Variants in CKAP5 observed in about 807,000 individuals in gnomAD.
The protein encoded by CKAP5 is cytoskeleton associated protein 5, also known as cytoskeleton-associated protein 5.
Under a neutral mutation model 232.8 loss-of-function variants are expected in CKAP5, and 27 were observed. That is an observed-to-expected ratio of 0.12 (90% CI 0.09 to 0.16). The LOEUF (loss-of-function observed/expected upper bound fraction) is 0.16, where lower values mean the gene tolerates loss of function less well. Among genes scored for constraint, CKAP5 ranks in the 10% least tolerant of loss-of-function variants. The pLI is 1.00. For missense variants in CKAP5, 1,838 were observed against 2,424.7 expected (o/e 0.76, Z 5.08); for synonymous variants, 785 against 841.1 (o/e 0.93, Z 1.16).
At chr11:46,808,772 C>T (rs1287845391) in intron 7 of CKAP5, among the ~76,000 whole-genome samples, 3 of 152,202 alleles carry the variant, frequency 2.0e-5, no homozygotes, top group Admixed American at 6.5e-5. Context: ...GCCCACCCAT[C>T]TCACAGCAGC....
At chr11:46,776,918 T>C (rs543539875) in intron 23 of CKAP5, among the ~76,000 whole-genome samples, 1 of 152,282 alleles carries the variant, frequency 6.6e-6, no homozygotes, top group South Asian at 2.1e-4. Flanking sequence ...CGGCTAAACA[T>C]TGTAACCTTC....
At chr11:46,759,131 G>T in intron 34 of CKAP5, 88 bp from the exon 35 acceptor site, 1 of 1,537,000 alleles carries the variant, frequency 6.5e-7, no homozygotes, top group South Asian at 1.2e-5. Flanking sequence ...CTAGGTCCAG[G>T]TCTTAGTTAA....
At chr11:46,748,832 T>G (rs1417824618) in intron 42 of CKAP5, among the ~76,000 whole-genome samples, 1 of 151,686 alleles carries the variant, frequency 6.6e-6, no homozygotes, top group Non-Finnish European at 1.5e-5. Flanking sequence ...ACTTTAGTTT[T>G]TTTGTTTGTT....
At chr11:46,799,717 G>A (rs1938982527) in intron 9 of CKAP5, among the ~76,000 whole-genome samples, 1 of 152,162 alleles carries the variant, frequency 6.6e-6, no homozygotes, top group African/African-American at 2.4e-5. Flanking sequence ...ATGAATTTTA[G>A]GCCGGGTGTG....
chr11:46,800,399 G>A (rs1396232460), intron 9 of CKAP5, among the ~76,000 whole-genome samples: 2 of 152,104 alleles, frequency 1.3e-5, no homozygotes, highest in Non-Finnish European at 2.9e-5. Context: ...AATATAAAAT[G>A]GACACATGAC....
chr11:46,835,416 G>C (rs893809462), intron 1 of CKAP5, among the ~76,000 whole-genome samples: 6 of 151,440 alleles, frequency 4.0e-5, no homozygotes, highest in Admixed American at 2.6e-4. Context: ...TAGGGTTAGA[G>C]CAGAGAAAAT....
intron 3 of CKAP5, among the ~76,000 whole-genome samples, chr11:46,816,787 T>C (rs1302880788): frequency 3.3e-3 from 2 of 610 alleles, no homozygotes; most frequent in Non-Finnish European, 0.023. Flanking sequence ...TTGCTTTCAA[T>C]TTTTTTTTTT....
chr11:46,763,297 C>T, intron 29 of CKAP5, 118 bp from the exon 30 acceptor site: 6 of 1,039,740 alleles, frequency 5.8e-6, no homozygotes, highest in Non-Finnish European at 8.4e-6. Flanking sequence ...GATTTTTAAG[C>T]CTTCAATTAA....
chr11:46,822,680 G>A (rs1271669126), intron 1 of CKAP5, among the ~76,000 whole-genome samples: 8 of 146,320 alleles, frequency 5.5e-5, no homozygotes, highest in Non-Finnish European at 1.2e-4. Flanking sequence ...GAACCCGAGA[G>A]GCGGAGCTTG....
chr11:46,752,193 T>TATATATATATATATACACACACAC (rs1408030107), intron 38 of CKAP5, among the ~76,000 whole-genome samples: 1 of 66,570 alleles, frequency 1.5e-5, no homozygotes, highest in Non-Finnish European at 2.9e-5. Context: ...TATATATATA[T>TATATATATATATATACACACACAC]ACACACACAC....
Position 46,801,281 on chromosome 11 carries a change from G to A in CKAP5, c.1002C>T (p.Val334=). The A allele has an allele frequency of 1.2e-6, 2 of 1,613,394 alleles. No homozygotes were observed. Among genetic ancestry groups the A allele is most frequent in the East Asian group, 4.5e-5 (2 of 44,866 alleles). The part of the protein sequence containing the change: ...LKKVVGKDTN[V]MLVALAAKCL... ...ATTTTGCTGCCAAAGCCACCAACAT[G>A]ACATTGGTGTCCTTTCCAACAACCT... is the stretch of plus-strand genomic sequence containing the variant. The change falls in exon 9 of 44, where the codon GTC becomes GTT. Residue 334 remains valine, a synonymous_variant. Transcript: ENST00000529230.
At chr11:46,755,444 T>TG (rs1247153728) in intron 35 of CKAP5, among the ~76,000 whole-genome samples, 1 of 151,756 alleles carries the variant, frequency 6.6e-6, no homozygotes, top group Non-Finnish European at 1.5e-5. Context: ...CTTGACCTCG[T>TG]GATCCACCCA....
intron 36 of CKAP5, 38 bp downstream of exon 36, chr11:46,754,850 A>T: frequency 6.3e-7 from 1 of 1,577,214 alleles, no homozygotes; most frequent in Non-Finnish European, 8.7e-7. Flanking sequence ...AGGCTGAGAG[A>T]TTGATGGGAA....
At chr11:46,744,683 T>C (rs2065009727) in intron 42 of CKAP5, 106 bp from the exon 43 acceptor site, 1 of 1,079,490 alleles carries the variant, frequency 9.3e-7, no homozygotes, top group South Asian at 1.6e-5. Flanking sequence ...TTTCCTATAC[T>C]TGAAAACGAC....
intron 20 of CKAP5, among the ~76,000 whole-genome samples, chr11:46,778,849 T>G (rs1041620211): frequency 6.6e-6 from 1 of 151,976 alleles, no homozygotes; most frequent in African/African-American, 2.4e-5. Flanking sequence ...CCAAGGCGGG[T>G]GGATCATCTG....
At chr11:46,824,427 T>C (rs1222935044) in intron 1 of CKAP5, among the ~76,000 whole-genome samples, 1 of 152,144 alleles carries the variant, frequency 6.6e-6, no homozygotes, top group Admixed American at 6.6e-5. Context: ...CATTCCTAGG[T>C]GTATAGCCTA....
In CKAP5 at chr11:46,778,355, A is replaced by G. The variant is rs1204412008; in HGVS notation, c.2574-42T>C. ...AACCTTTAATTCCAGACTCCAAAAA[A>G]ATGATGATATCACGTTAAGTTCCCC... On this transcript the variant is annotated intron_variant, in intron 21 of 43. Transcript: ENST00000529230. 4 of 1,603,456 alleles carry G rather than the reference A, an allele frequency of 2.5e-6. No individual in the cohort carries two copies. In the Middle Eastern group the frequency reaches 5.0e-4, roughly 200 times the overall value.
At chr11:46,838,828 G>C (rs1243955574) in intron 1 of CKAP5, among the ~76,000 whole-genome samples, 1 of 138,972 alleles carries the variant, frequency 7.2e-6, no homozygotes, top group African/African-American at 2.7e-5. Context: ...AAATTGCTGA[G>C]CCACCATTGT....
At chr11:46,812,702 A>T (rs1275272410) in intron 4 of CKAP5, among the ~76,000 whole-genome samples, 1 of 152,080 alleles carries the variant, frequency 6.6e-6, no homozygotes, top group Non-Finnish European at 1.5e-5. Flanking sequence ...CAGTGGTATG[A>T]TCACAGCTCA....
Sources: gnomAD v4.1 joint callset for allele counts (sites outside exome capture counted in the v4.1 genomes callset) on GRCh38, gnomAD v4.1.1 for gene constraint, MANE v1.5 for transcripts, NCBI Gene and HGNC (gene_info 2026-07-23, HGNC 2026-07-21) for gene names.